The following CEACAM7 variants were observed in gnomAD, a reference collection of about 807,000 sequenced individuals.
CEACAM7 encodes the protein cell adhesion molecule CEACAM7.
CEACAM7 carries 24 observed loss-of-function variants against 25.7 expected under a neutral mutation model. The ratio of observed to expected loss-of-function variants is 0.93; its 90% CI spans 0.68 to 1.31. The LOEUF is 1.31. Among genes scored for constraint, CEACAM7 ranks in the 40% most tolerant of loss-of-function variants. CEACAM7 has a pLI of 0.00. For synonymous variants in CEACAM7, 144 were observed against 129.4 expected (o/e 1.11, Z -0.77); for missense variants, 324 against 330.1 (o/e 0.98, Z 0.14).
chr19:41,683,676 A>T, intron 3 of CEACAM7, 109 bp downstream of exon 3: 1 of 1,480,452 alleles, frequency 6.8e-7, no homozygotes, highest in East Asian at 2.3e-5. Context: ...CTGGGTGCCT[A>T]GAGGTGAGGG....
Position 41,679,161 on chromosome 19 carries a change from T to C in CEACAM7, c.707-1658A>G, listed in dbSNP as rs551513042. On this transcript the variant is annotated intron_variant, in intron 3 of 4. Transcript: ENST00000401731. The stretch of plus-strand genomic sequence containing the variant: ...AATGAGAAGATAGAAATTACTCAAA[T>C]CAGAAATGAAAGTGATTACTACCAA... Among the ~76,000 whole-genome samples, 9 of 152,220 alleles carry C rather than the reference T, an allele frequency of 5.9e-5. No individual in the cohort carries two copies. In the East Asian group the frequency reaches 1.4e-3, roughly 23 times the overall value.
chr19:41,684,540 AGAG>A (rs1555811039), intron 2 of CEACAM7, among the ~76,000 whole-genome samples: 2 of 152,206 alleles, frequency 1.3e-5, no homozygotes, highest in African/African-American at 2.4e-5. Flanking sequence ...CAGACATAGC[AGAG>A]GAGACCAGGA....
intron 4 of CEACAM7, among the ~76,000 whole-genome samples, chr19:41,675,123 G>A (rs983456731): frequency 6.6e-6 from 1 of 152,148 alleles, no homozygotes; most frequent in Non-Finnish European, 1.5e-5. Context: ...TTCCAAATAT[G>A]ACATCCCAGC....
chr19:41,678,283 G>A (rs550956092), intron 3 of CEACAM7, among the ~76,000 whole-genome samples: 1 of 150,952 alleles, frequency 6.6e-6, no homozygotes, highest in African/African-American at 2.5e-5. Context: ...TGTCCCAGTG[G>A]ACTTTTTGTG....
intron 2 of CEACAM7, among the ~76,000 whole-genome samples, chr19:41,685,914 G>C (rs1555811139): frequency 6.6e-6 from 1 of 152,144 alleles, no homozygotes; most frequent in East Asian, 1.9e-4. Context: ...TGATGTGACT[G>C]TCCGGTCCGT....
At chr19:41,677,263 G>GGGA (rs1420500119) in intron 4 of CEACAM7, 113 bp downstream of exon 4, 4 of 591,290 alleles carry the variant, frequency 6.8e-6, no homozygotes, top group Non-Finnish European at 1.2e-5. Context: ...GGAGTTTAGT[G>GGGA]GGAGGAGGAG....
At chr19:41,687,255 G>T (rs371015839) in intron 1 of CEACAM7, 34 bp from the exon 2 acceptor site, 2 of 1,552,890 alleles carry the variant, frequency 1.3e-6, no homozygotes, top group East Asian at 2.3e-5. Context: ...TCAATATTGG[G>T]ACCTATGTAT....
Position 41,673,625 on chromosome 19 carries a change from G to C in CEACAM7, c.*1151C>G, listed in dbSNP as rs1285686763. 1.3e-5 allele frequency: 2 copies of C among 152,172 alleles called. No homozygotes were observed. The highest frequency in any genetic ancestry group is 4.8e-5 in the African/African-American group (2 of 41,428). The allele number at this position is 152,172 out of a possible 1,614,324, so 9.4% of individuals were successfully genotyped here. ...CCTGCTTCCTCATGTTTCAGTGTGAGTATATGGCATTTAGCATGACTGGCT... is the reference window on the plus strand; with the variant it reads ...CCTGCTTCCTCATGTTTCAGTGTGACTATATGGCATTTAGCATGACTGGCT... On this transcript the variant is annotated 3_prime_UTR_variant, in exon 5 of 5. Transcript: ENST00000401731.
In CEACAM7 at chr19:41,688,138, T is replaced by G; in HGVS notation, c.28A>C (p.Arg10=). The G allele has an allele frequency of 6.2e-7, 1 of 1,612,100 alleles. No homozygotes were observed. The highest frequency in any genetic ancestry group is 8.5e-7 in the Non-Finnish European group (1 of 1,178,850). Reference sequence around the variant, plus strand: ...AGCCCCTGCCAGGGAATGCACACTCTGTATGGACAGGCTGAAGGGGACCCC... The same window carrying G: ...AGCCCCTGCCAGGGAATGCACACTCGGTATGGACAGGCTGAAGGGGACCCC... The part of the protein sequence containing the change: MGSPSACPY[R]VCIPWQGLLL... Residue 10 remains arginine (R), a synonymous_variant, in exon 1 of 5, where the codon AGA becomes CGA. Transcript: ENST00000401731.
At chr19:41,679,443 T>G (rs537519362) in intron 3 of CEACAM7, among the ~76,000 whole-genome samples, 2 of 152,302 alleles carry the variant, frequency 1.3e-5, no homozygotes, top group Admixed American at 1.3e-4. Flanking sequence ...AAAGGCATTA[T>G]CTGAAAAGCC....
At chr19:41,680,360 A>C (rs2072162507) in intron 3 of CEACAM7, among the ~76,000 whole-genome samples, 1 of 152,136 alleles carries the variant, frequency 6.6e-6, no homozygotes, top group Non-Finnish European at 1.5e-5. Flanking sequence ...TAAGATGATA[A>C]TATTAATGCA....
At position 41,687,175 on chromosome 19, in the gene CEACAM7, A is replaced by G. The variant is rs1555811312; in HGVS notation, c.111T>C (p.Asn37=). The part of the protein sequence containing the change: ...FWNLPNSAQT[N]IDVVPFNVAE... ...CGACATTGAACGGCACGACATCAATATTGGTCTGGGCACTGTTTGGCAGGT... is the reference window on the plus strand; with the variant it reads ...CGACATTGAACGGCACGACATCAATGTTGGTCTGGGCACTGTTTGGCAGGT... Residue 37 remains asparagine, a synonymous_variant, in exon 2 of 5, where the codon AAT becomes AAC. Coordinates refer to ENST00000401731, the MANE Select transcript of CEACAM7 (RefSeq NM_001291485.2). 6.2e-7 allele frequency: 1 copy of G among 1,613,618 alleles called. No individual in the cohort carries two copies. The highest frequency in any genetic ancestry group is 1.1e-5 in the South Asian group (1 of 91,022).
intron 3 of CEACAM7, among the ~76,000 whole-genome samples, chr19:41,678,157 T>C (rs1568685806): frequency 6.6e-6 from 1 of 152,146 alleles, no homozygotes; most frequent in South Asian, 2.1e-4. Context: ...CTCAAAATTA[T>C]ATTGCATGTC....
intron 4 of CEACAM7, among the ~76,000 whole-genome samples, chr19:41,675,943 C>T (rs1296397551): frequency 6.6e-6 from 1 of 152,216 alleles, no homozygotes; most frequent in Non-Finnish European, 1.5e-5. Flanking sequence ...TATAATTTAA[C>T]ATATCAATTA....
At chr19:41,686,460 T>C (rs1555811195) in intron 2 of CEACAM7, among the ~76,000 whole-genome samples, 2 of 151,814 alleles carry the variant, frequency 1.3e-5, no homozygotes, top group Admixed American at 1.3e-4. Flanking sequence ...TCACCTGGAG[T>C]CAAGAGCCCT....
chr19:41,676,798 A>G (rs2072118040), intron 4 of CEACAM7, among the ~76,000 whole-genome samples: 1 of 152,142 alleles, frequency 6.6e-6, no homozygotes, highest in African/African-American at 2.4e-5. Context: ...CATTGGAACT[A>G]AGAATTCTAT....
intron 3 of CEACAM7, among the ~76,000 whole-genome samples, chr19:41,677,731 T>C (rs1202825427): frequency 1.3e-5 from 2 of 152,196 alleles, no homozygotes; most frequent in Non-Finnish European, 2.9e-5. Context: ...ATCCTGACCT[T>C]TTTACACTCA....
rs1354232220 is a variant in CEACAM7, at chr19:41,677,466, A to C, written c.744T>G (p.Ala248=). 6.2e-7 allele frequency: 1 copy of C among 1,613,998 alleles called. No homozygotes were observed. Among genetic ancestry groups the C allele is most frequent in the Non-Finnish European group, 8.5e-7 (1 of 1,179,934 alleles). Residue 248 remains alanine, a synonymous_variant, in exon 4 of 5, where the codon GCT becomes GCG. Transcript: ENST00000401731. ...SVQASSPDLS[A]GTAVSIMIGV... ...CAATCATGATGCTGACAGCGGTCCC[A>C]GCTGAGAGGTCAGGTGAACTTGCTT...
chr19:41,680,729 C>CTTAACACCATATAAAAA (rs1453146501), intron 3 of CEACAM7, among the ~76,000 whole-genome samples: 3 of 152,196 alleles, frequency 2.0e-5, no homozygotes, highest in South Asian at 4.1e-4. Context: ...TGAATCTTTA[C>CTTAACACCATATAAAAA]TTAACACCAT....
Sources: allele counts gnomAD v4.1 joint callset (sites outside exome capture counted in the v4.1 genomes callset), GRCh38; gene constraint gnomAD v4.1.1; transcripts MANE v1.5; gene names NCBI Gene and HGNC (gene_info 2026-07-23, HGNC 2026-07-21).